The following DTHD1 variants were observed in gnomAD, a reference collection of about 807,000 sequenced individuals.
The protein encoded by DTHD1 is death domain-containing protein 1.
In DTHD1, 59 loss-of-function variants were observed where a neutral mutation model predicts 74.8. The observed-to-expected ratio is 0.79, with a 90% CI of 0.64 to 0.98. The LOEUF (loss-of-function observed/expected upper bound fraction) is 0.98, where lower values mean the gene tolerates loss of function less well. Ranked by LOEUF, DTHD1 falls within the 50% of genes least tolerant of loss-of-function variation. The probability of loss-of-function intolerance (pLI) is 0.00; values close to 1 mark genes in which losing one functional copy is unlikely to be tolerated. For missense variants in DTHD1, 1,051 were observed against 1,065.4 expected (o/e 0.99, Z 0.19); for synonymous variants, 365 against 371.1 (o/e 0.98, Z 0.19).
At chr4:36,312,458 G>A (rs1379658671) in intron 7 of DTHD1, among the ~76,000 whole-genome samples, 2 of 151,938 alleles carry the variant, frequency 1.3e-5, no homozygotes, top group African/African-American at 4.8e-5. Flanking sequence ...TAAATAAAAT[G>A]CATAGCTTAA....
At chr4:36,336,471 G>A (rs554070458) in intron 8 of DTHD1, among the ~76,000 whole-genome samples, 11 of 152,324 alleles carry the variant, frequency 7.2e-5, no homozygotes, top group African/African-American at 2.2e-4. Flanking sequence ...GAGTGAAGGA[G>A]TTTAAGAAGG....
chr4:36,299,057 C>T (rs1756606974), intron 5 of DTHD1, among the ~76,000 whole-genome samples: 2 of 152,162 alleles, frequency 1.3e-5, no homozygotes, highest in African/African-American at 4.8e-5. Flanking sequence ...CCACCTCATT[C>T]CATCCCCTTT....
At chr4:36,318,417 T>C (rs1259543650) in intron 8 of DTHD1, among the ~76,000 whole-genome samples, 1 of 152,140 alleles carries the variant, frequency 6.6e-6, no homozygotes, top group Non-Finnish European at 1.5e-5. Flanking sequence ...CAGCCCTCAG[T>C]ACAGAGGAAC....
At chr4:36,318,638 G>A (rs930867644) in intron 8 of DTHD1, among the ~76,000 whole-genome samples, 3 of 114,314 alleles carry the variant, frequency 2.6e-5, no homozygotes, top group Admixed American at 1.2e-4. Flanking sequence ...TTTTTGAGAC[G>A]GAGTCTCGCT....
At chr4:36,309,909 T>C (rs868805229) in intron 7 of DTHD1, among the ~76,000 whole-genome samples, 2 of 152,244 alleles carry the variant, frequency 1.3e-5, no homozygotes, top group East Asian at 3.8e-4. Context: ...CTCATGTCCA[T>C]GTGCACCTAA....
intron 3 of DTHD1, among the ~76,000 whole-genome samples, chr4:36,292,719 T>C (rs1385734903): frequency 6.6e-6 from 1 of 152,200 alleles, no homozygotes; most frequent in East Asian, 1.9e-4. Context: ...CCCTGAAATG[T>C]TTTTTCGTGT....
chr4:36,331,861 A>G (rs1171932139), intron 8 of DTHD1, among the ~76,000 whole-genome samples: 13 of 152,254 alleles, frequency 8.5e-5, no homozygotes, highest in East Asian at 1.9e-4. Context: ...GCTCTGCACT[A>G]GAGTCCCCAA....
chr4:36,301,277 C>T (rs553588473), intron 5 of DTHD1, among the ~76,000 whole-genome samples: 32 of 152,284 alleles, frequency 2.1e-4, no homozygotes, highest in Admixed American at 2.0e-3. Context: ...TCTATCCATG[C>T]AGATGCAGTG....
chr4:36,323,266 G>A (rs558193652), intron 8 of DTHD1, among the ~76,000 whole-genome samples: 1 of 152,086 alleles, frequency 6.6e-6, no homozygotes, highest in South Asian at 2.1e-4. Context: ...TAAATAACTT[G>A]CTGTGTCAAA....
At position 36,343,677 on chromosome 4, in the gene DTHD1, G is replaced by C. The variant is rs1379672435; in HGVS notation, c.2574G>C (p.Ser858=). The C allele has an allele frequency of 2.6e-6, 4 of 1,551,598 alleles. No individual in the cohort carries two copies. The highest frequency in any genetic ancestry group is 1.7e-6 in the Non-Finnish European group (2 of 1,146,952). The change falls in exon 10 of 10, where the codon TCG becomes TCC. Residue 858 remains serine, a synonymous_variant. Transcript: ENST00000639862. ...AGTTTCTTTGCTTCTGGAAAAAATCGCTTCCAACTTTCACCGACAAACTTC... is the reference window on the plus strand; with the variant it reads ...AGTTTCTTTGCTTCTGGAAAAAATCCCTTCCAACTTTCACCGACAAACTTC... ...IHEFLCFWKK[S]LPTFTDKLRL...
intron 3 of DTHD1, among the ~76,000 whole-genome samples, chr4:36,291,549 C>T (rs898781661): frequency 6.6e-6 from 1 of 152,150 alleles, no homozygotes; most frequent in Non-Finnish European, 1.5e-5. Flanking sequence ...AGTATGGAGG[C>T]CAGGCGTGGT....
At chr4:36,335,240 A>AG (rs774936804) in intron 8 of DTHD1, among the ~76,000 whole-genome samples, 2 of 151,924 alleles carry the variant, frequency 1.3e-5, no homozygotes, top group African/African-American at 4.8e-5. Context: ...AAGTTTTTTG[A>AG]GGGGGGGTGC....
chr4:36,339,938 A>G (rs1011582855), intron 9 of DTHD1, among the ~76,000 whole-genome samples: 8 of 152,250 alleles, frequency 5.3e-5, no homozygotes, highest in African/African-American at 1.7e-4. Context: ...GATATAGAAA[A>G]CAACAACAGC....
In DTHD1 at chr4:36,344,477, G is replaced by A. The variant is rs1055939973; in HGVS notation, c.*653G>A. The A allele has an allele frequency of 6.6e-6, 1 of 152,256 alleles. No homozygotes were observed. Among genetic ancestry groups the A allele is most frequent in the African/African-American group, 2.4e-5 (1 of 41,466 alleles). The allele number at this position is 152,256 out of a possible 1,614,324, so 9.4% of individuals were successfully genotyped here. On this transcript the variant is annotated 3_prime_UTR_variant, in exon 10 of 10. Transcript: ENST00000639862. ...TAAAGATTCTTGATTGGCATTGATT[G>A]AACAGTTATTATCTAAAGACCTGGA...
intron 5 of DTHD1, among the ~76,000 whole-genome samples, chr4:36,305,288 G>C (rs1308290276): frequency 1.3e-5 from 2 of 152,134 alleles, no homozygotes; most frequent in Non-Finnish European, 2.9e-5. Flanking sequence ...AATTTATAAA[G>C]AAAAAGAGGT....
At chr4:36,298,872 C>T (rs552489226) in intron 5 of DTHD1, among the ~76,000 whole-genome samples, 67 of 152,210 alleles carry the variant, frequency 4.4e-4, no homozygotes, top group African/African-American at 1.5e-3. Flanking sequence ...ACATTTCCTA[C>T]ACAATGCAAT....
chr4:36,321,460 G>C (rs1758033224), intron 8 of DTHD1, among the ~76,000 whole-genome samples: 1 of 152,180 alleles, frequency 6.6e-6, no homozygotes, highest in Non-Finnish European at 1.5e-5. Flanking sequence ...TAGGTTGTGT[G>C]CTTCTTACAA....
intron 7 of DTHD1, among the ~76,000 whole-genome samples, chr4:36,310,557 C>CT (rs774159594): frequency 5.9e-5 from 9 of 152,110 alleles, no homozygotes; most frequent in Admixed American, 2.0e-4. Flanking sequence ...ACATACTTTA[C>CT]TTGAGGGGAT....
At chr4:36,289,152 A>G (rs1009655798) in intron 2 of DTHD1, among the ~76,000 whole-genome samples, 2 of 152,190 alleles carry the variant, frequency 1.3e-5, no homozygotes, top group Non-Finnish European at 2.9e-5. Flanking sequence ...ATGCTATGTT[A>G]TATATAGATC....
Sources: allele counts gnomAD v4.1 joint callset (sites outside exome capture counted in the v4.1 genomes callset), GRCh38; gene constraint gnomAD v4.1.1; transcripts MANE v1.5; gene names NCBI Gene and HGNC (gene_info 2026-07-23, HGNC 2026-07-21).